BRINP3: variants seen among roughly 807,000 people sequenced by gnomAD.
BRINP3 encodes the protein BMP/retinoic acid-inducible neural-specific protein 3.
Under a neutral mutation model 71.0 loss-of-function variants are expected in BRINP3, and 19 were observed. The ratio of observed to expected loss-of-function variants is 0.27; its 90% confidence interval spans 0.19 to 0.39. The LOEUF (loss-of-function observed/expected upper bound fraction) is 0.39. Ranked by LOEUF, BRINP3 falls within the 10% of genes least tolerant of loss-of-function variation. The pLI is 1.00. For missense variants in BRINP3, 959 were observed against 940.8 expected (o/e 1.02, Z -0.25); for synonymous variants, 380 against 337.7 (o/e 1.13, Z -1.37).
intron 7 of BRINP3, among the ~76,000 whole-genome samples, chr1:190,159,905 A>G (rs1657200413): frequency 6.6e-6 from 1 of 152,066 alleles, no homozygotes; most frequent in Non-Finnish European, 1.5e-5. Context: ...TTTTTCCAGC[A>G]AAAGAAATCT....
chr1:190,255,748 T>G (rs1432808217), intron 4 of BRINP3, among the ~76,000 whole-genome samples: 1 of 126,834 alleles, frequency 7.9e-6, no homozygotes. Flanking sequence ...GATTGATTGA[T>G]TTTTTGAAGG....
At chr1:190,402,691 T>G (rs530590691) in intron 2 of BRINP3, among the ~76,000 whole-genome samples, 66 of 152,280 alleles carry the variant, frequency 4.3e-4, no homozygotes, top group African/African-American at 1.6e-3. Context: ...AAATAAAAAT[T>G]TTGACACATG....
chr1:190,303,180 A>G (rs1374791770), intron 2 of BRINP3, among the ~76,000 whole-genome samples: 2 of 151,758 alleles, frequency 1.3e-5, no homozygotes, highest in East Asian at 1.9e-4. Flanking sequence ...GATAATCTCA[A>G]GATGATCTCC....
intron 1 of BRINP3, among the ~76,000 whole-genome samples, chr1:190,462,486 A>G (rs1406945810): frequency 6.6e-6 from 1 of 152,148 alleles, no homozygotes; most frequent in African/African-American, 2.4e-5. Flanking sequence ...ATAAAGAAAC[A>G]GGAATTGAAT....
At chr1:190,289,375 G>T (rs1226699483) in intron 2 of BRINP3, among the ~76,000 whole-genome samples, 1 of 151,858 alleles carries the variant, frequency 6.6e-6, no homozygotes, top group African/African-American at 2.4e-5. Flanking sequence ...CAGGTCATAG[G>T]CTTTAATATA....
At chr1:190,189,007 G>A (rs1369939954) in intron 6 of BRINP3, among the ~76,000 whole-genome samples, 1 of 152,020 alleles carries the variant, frequency 6.6e-6, no homozygotes, top group African/African-American at 2.4e-5. Flanking sequence ...TGATCTGCCT[G>A]CCTCGACCTC....
intron 7 of BRINP3, among the ~76,000 whole-genome samples, chr1:190,114,522 G>A (rs1652963355): frequency 7.0e-6 from 1 of 143,412 alleles, no homozygotes; most frequent in Non-Finnish European, 1.5e-5. Flanking sequence ...AAATAAGTTT[G>A]CCACTGTGTG....
intron 7 of BRINP3, among the ~76,000 whole-genome samples, chr1:190,158,791 C>A (rs1482867555): frequency 1.3e-5 from 2 of 148,870 alleles, no homozygotes; most frequent in Non-Finnish European, 3.0e-5. Context: ...ATAATAAGGA[C>A]TATCAAGAAA....
At chr1:190,099,156 A>C in intron 7 of BRINP3, 22 bp from the exon 8 acceptor site, 1 of 1,599,894 alleles carries the variant, frequency 6.3e-7, no homozygotes, top group Non-Finnish European at 8.5e-7. Context: ...AAACAGAACG[A>C]ATCTACATAA....
chr1:190,359,990 TC>T (rs762633025), intron 2 of BRINP3, among the ~76,000 whole-genome samples: 3 of 152,156 alleles, frequency 2.0e-5, no homozygotes, highest in Non-Finnish European at 2.9e-5. Flanking sequence ...TAAAAAGCTT[TC>T]ATTAGCGAGA....
At chr1:190,198,539 G>A (rs1051800775) in intron 6 of BRINP3, among the ~76,000 whole-genome samples, 1 of 152,076 alleles carries the variant, frequency 6.6e-6, no homozygotes, top group Non-Finnish European at 1.5e-5. Flanking sequence ...ATACTGTGCT[G>A]TTTAAAAACA....
chr1:190,368,772 G>T (rs1255949653), intron 2 of BRINP3, among the ~76,000 whole-genome samples: 2 of 152,042 alleles, frequency 1.3e-5, no homozygotes, highest in Non-Finnish European at 2.9e-5. Flanking sequence ...AGGTCTTCAG[G>T]AATCAGACCT....
chr1:190,282,207 C>A (rs190111122), intron 2 of BRINP3, among the ~76,000 whole-genome samples: 10 of 150,374 alleles, frequency 6.7e-5, no homozygotes, highest in Non-Finnish European at 1.3e-4. Context: ...ATTAAGGAGA[C>A]GCAGAACTTT....
At chr1:190,144,705 C>T (rs1655740883) in intron 7 of BRINP3, among the ~76,000 whole-genome samples, 1 of 152,090 alleles carries the variant, frequency 6.6e-6, no homozygotes, top group Non-Finnish European at 1.5e-5. Flanking sequence ...CATATCTCAT[C>T]TTCATACTTT....
intron 6 of BRINP3, among the ~76,000 whole-genome samples, chr1:190,191,497 C>A (rs564449794): frequency 8.0e-4 from 121 of 152,140 alleles, no homozygotes; most frequent in African/African-American, 2.8e-3. Context: ...TGAGTGCGAA[C>A]AAGTGGTGTT....
chr1:190,165,460 TTGTGTGTGTGTG>T (rs1222112915), intron 6 of BRINP3, among the ~76,000 whole-genome samples: 58 of 95,194 alleles, frequency 6.1e-4, no homozygotes, highest in African/African-American at 2.2e-3. Context: ...TTTTTTTTTT[TTGTGTGTGTGTG>T]TGTGTGTGTG....
At position 190,123,739 on chromosome 1, in the gene BRINP3, T is replaced by C. The variant is rs138129601; in HGVS notation, c.1185-24605A>G. On this transcript the variant is annotated intron_variant, in intron 7 of 7. Coordinates refer to ENST00000367462, the MANE Select transcript of BRINP3 (RefSeq NM_199051.3). ...CCAAAAGGAAAAACTATGTAGACTT[T>C]TCATTGCAAAAGTTCCAGTGAATTA... Among the ~76,000 whole-genome samples, 343 of 152,286 alleles carry C rather than the reference T, an allele frequency of 2.3e-3. 1 individual carries two copies. Among genetic ancestry groups the C allele is most frequent in the African/African-American group, 7.3e-3 (305 of 41,582 alleles).
intron 2 of BRINP3, among the ~76,000 whole-genome samples, chr1:190,327,332 A>AAG (rs1666659589): frequency 2.0e-5 from 2 of 101,598 alleles, no homozygotes; most frequent in Non-Finnish European, 3.7e-5. Context: ...AGAACAAAAA[A>AAG]AAAAAAAAAA....
At chr1:190,468,205 T>G (rs1266346624) in intron 1 of BRINP3, among the ~76,000 whole-genome samples, 1 of 151,416 alleles carries the variant, frequency 6.6e-6, no homozygotes, top group African/African-American at 2.4e-5. Flanking sequence ...CATTTCAAAA[T>G]TATATCACTT....
Sources: gnomAD v4.1 joint callset for allele counts (sites outside exome capture counted in the v4.1 genomes callset) on GRCh38, gnomAD v4.1.1 for gene constraint, MANE v1.5 for transcripts, NCBI Gene and HGNC (gene_info 2026-07-23, HGNC 2026-07-21) for gene names.